SUGCT: variants seen among roughly 807,000 people sequenced by gnomAD.
SUGCT encodes the protein succinyl-CoA:glutarate CoA-transferase.
A neutral mutation model predicts 55.0 loss-of-function variants in SUGCT; 41 were observed. The observed-to-expected ratio is 0.74, with a 90% confidence interval of 0.58 to 0.97. SUGCT has a LOEUF of 0.97. Ranked by LOEUF, SUGCT falls within the 50% of genes least tolerant of loss-of-function variation. The probability of loss-of-function intolerance (pLI) is 0.00; values close to 1 mark genes in which losing one functional copy is unlikely to be tolerated. For missense variants in SUGCT, 568 were observed against 547.8 expected, an observed-to-expected ratio of 1.04 and a Z score of -0.37; for synonymous variants, 187 against 200.4, an observed-to-expected ratio of 0.93 and a Z score of 0.56.
intron 11 of SUGCT, among the ~76,000 whole-genome samples, chr7:40,480,828 C>G (rs1006047089): frequency 6.6e-6 from 1 of 151,756 alleles, no homozygotes; most frequent in Non-Finnish European, 1.5e-5. Flanking sequence ...ACAAAAGTGC[C>G]CGGAGAGGTA....
chr7:40,711,214 TAAAAG>T (rs1197889393), intron 12 of SUGCT, among the ~76,000 whole-genome samples: 1 of 152,170 alleles, frequency 6.6e-6, no homozygotes, highest in East Asian at 1.9e-4. Flanking sequence ...CCCCTGGTGT[TAAAAG>T]AAAAGCTGGA....
intron 9 of SUGCT, among the ~76,000 whole-genome samples, chr7:40,338,915 A>G (rs1383895877): frequency 6.6e-6 from 1 of 151,964 alleles, no homozygotes; most frequent in Non-Finnish European, 1.5e-5. Flanking sequence ...TGATGTACAT[A>G]TGGGTTTTTG....
Position 40,464,879 on chromosome 7 carries a change from A to G in SUGCT, c.986+5681A>G, listed in dbSNP as rs148415269. The stretch of plus-strand genomic sequence containing the variant: ...GGTATATTAAATGCATTGTTGACTT[A>G]TGATGTTTACAATTTAATGATAGTT... On this transcript the variant is annotated intron_variant, in intron 11 of 13. Transcript: ENST00000335693. 2.2e-4 allele frequency among the ~76,000 whole-genome samples: 33 copies of G among 152,324 alleles called. 1 individual carries two copies. The East Asian group carries it at 3.7e-3, about 17-fold the overall frequency.
At chr7:40,621,017 C>G (rs886800395) in intron 12 of SUGCT, among the ~76,000 whole-genome samples, 1 of 152,092 alleles carries the variant, frequency 6.6e-6, no homozygotes, top group Non-Finnish European at 1.5e-5. Flanking sequence ...ATTTTGTTGC[C>G]TGTTTCCTTT....
In SUGCT at chr7:40,283,233, C is replaced by CT. The variant is rs58223100; in HGVS notation, c.720+8590dup. Among the ~76,000 whole-genome samples, 333 of 144,008 alleles carry CT rather than the reference C, an allele frequency of 2.3e-3. 3 individuals carry two copies. Among genetic ancestry groups the CT allele is most frequent in the South Asian group, 0.021 (96 of 4,528 alleles). The allele number at this position is 144,008 out of a possible 152,430, so 94.5% of individuals were successfully genotyped here. Reference sequence around the variant, plus strand: ...CCTGAATAGACATTTCTTTCTTTTTCTTTTTTTTTTTTTGAGACGGAGTCT... The same window carrying CT: ...CCTGAATAGACATTTCTTTCTTTTTCTTTTTTTTTTTTTTGAGACGGAGTCT... On this transcript the variant is annotated intron_variant, in intron 8 of 13. Coordinates refer to ENST00000335693, the MANE Select transcript of SUGCT (RefSeq NM_001193313.2).
chr7:40,796,150 C>A (rs573568029), intron 13 of SUGCT, among the ~76,000 whole-genome samples: 2 of 152,050 alleles, frequency 1.3e-5, no homozygotes, highest in African/African-American at 2.4e-5. Context: ...GAAAAAAAAA[C>A]CACACAGTGT....
chr7:40,942,935 C>T, the SUGCT span, among the ~76,000 whole-genome samples: 33 of 151,946 alleles, frequency 2.2e-4, no homozygotes, highest in African/African-American at 7.5e-4. Flanking sequence ...AAATATCTGT[C>T]TCTTTAGAAA....
At chr7:40,219,679 C>T (rs1018480250) in intron 6 of SUGCT, among the ~76,000 whole-genome samples, 1 of 151,870 alleles carries the variant, frequency 6.6e-6, no homozygotes, top group Admixed American at 6.6e-5. Context: ...GGTGACTCTT[C>T]TGTTTGGATG....
rs191486303 is a variant in SUGCT, at chr7:40,400,932, A to T, written c.817-48355A>T. Reference sequence around the variant, plus strand: ...CTTGAATGGTTTTGAACAAGGCCAGATGGAACTTTCCAATCCGTATAATCA... The same window carrying T: ...CTTGAATGGTTTTGAACAAGGCCAGTTGGAACTTTCCAATCCGTATAATCA... On this transcript the variant is annotated intron_variant, in intron 9 of 13. Coordinates refer to ENST00000335693, the MANE Select transcript of SUGCT (RefSeq NM_001193313.2). Among the ~76,000 whole-genome samples the T allele has an allele frequency of 2.6e-3, 390 of 152,304 alleles. 2 individuals are homozygous for T. Among genetic ancestry groups the T allele is most frequent in the African/African-American group, 8.8e-3 (367 of 41,568 alleles).
chr7:41,016,249 T>C, the SUGCT span, among the ~76,000 whole-genome samples: 4 of 152,232 alleles, frequency 2.6e-5, no homozygotes, highest in Admixed American at 1.3e-4. Context: ...TTTATTTTTA[T>C]TTTTACGTTT....
intron 12 of SUGCT, among the ~76,000 whole-genome samples, chr7:40,572,156 G>A (rs774317099): frequency 3.9e-5 from 6 of 152,088 alleles, no homozygotes; most frequent in African/African-American, 7.2e-5. Context: ...TGTTTGCTGG[G>A]AGGCGTATGA....
intron 12 of SUGCT, among the ~76,000 whole-genome samples, chr7:40,672,749 G>T (rs1481840426): frequency 6.6e-6 from 1 of 152,156 alleles, no homozygotes; most frequent in Non-Finnish European, 1.5e-5. Context: ...TCGGAGCTCT[G>T]TATTATTTCT....
chr7:40,955,544 G>T, the SUGCT span, among the ~76,000 whole-genome samples: 6 of 152,120 alleles, frequency 3.9e-5, no homozygotes. Context: ...CTGAGATGAT[G>T]GGGTTTTCTA....
At chr7:40,626,410 A>G (rs999223596) in intron 12 of SUGCT, among the ~76,000 whole-genome samples, 1 of 149,912 alleles carries the variant, frequency 6.7e-6, no homozygotes, top group African/African-American at 2.5e-5. Flanking sequence ...GCGTGTGCCT[A>G]ATTTTTTTTT....
At chr7:40,934,200 C>T in the SUGCT span, among the ~76,000 whole-genome samples, 2 of 152,202 alleles carry the variant, frequency 1.3e-5, no homozygotes, top group East Asian at 3.8e-4. Context: ...GGTCCCTCAG[C>T]TGCAGATCTG....
At chr7:40,831,769 C>T (rs113368346) in intron 13 of SUGCT, among the ~76,000 whole-genome samples, 370 of 152,294 alleles carry the variant, frequency 2.4e-3, no homozygotes, top group African/African-American at 8.3e-3. Flanking sequence ...GTGTGATACT[C>T]TTCTTACTAT....
chr7:40,364,847 G>A (rs1249676632), intron 9 of SUGCT, among the ~76,000 whole-genome samples: 15 of 152,188 alleles, frequency 9.9e-5, no homozygotes, highest in Admixed American at 5.9e-4. Flanking sequence ...GGAGGAACTG[G>A]TACCATTCCT....
In SUGCT at chr7:40,350,136, C is replaced by G. The variant is rs1474682605; in HGVS notation, c.816+33281C>G. Among the ~76,000 whole-genome samples the G allele has an allele frequency of 4.6e-5, 7 of 151,822 alleles. No homozygotes were observed. The South Asian group carries it at 1.0e-3, about 22-fold the overall frequency. ...TAATATCCTTTATTCTAATATTGTT[C>G]TTTTTAAAATAATTTCATATAATTG... On this transcript the variant is annotated intron_variant, in intron 9 of 13. Transcript: ENST00000335693.
intron 12 of SUGCT, among the ~76,000 whole-genome samples, chr7:40,644,773 C>T (rs1800423413): frequency 6.6e-6 from 1 of 152,142 alleles, no homozygotes; most frequent in South Asian, 2.1e-4. Flanking sequence ...CTCCTCATTT[C>T]CTTTGTGGGC....
Sources: allele counts gnomAD v4.1 joint callset (sites outside exome capture counted in the v4.1 genomes callset), GRCh38; gene constraint gnomAD v4.1.1; transcripts MANE v1.5; gene names NCBI Gene and HGNC (gene_info 2026-07-23, HGNC 2026-07-21).